The following DNM2 variants were observed in gnomAD, a reference collection of about 807,000 sequenced individuals.
DNM2 encodes the protein dynamin 2.
A neutral mutation model predicts 99.0 loss-of-function variants in DNM2; 15 were observed. The observed-to-expected ratio is 0.15, with a 90% CI of 0.10 to 0.23. The LOEUF is 0.23. Among genes scored for constraint, DNM2 ranks in the 10% least tolerant of loss-of-function variants. The pLI, the probability that DNM2 is intolerant of heterozygous loss-of-function variation, is 1.00. For missense variants in DNM2, 742 were observed against 1,189.4 expected (o/e 0.62, Z 5.53); for synonymous variants, 525 against 481.2 (o/e 1.09, Z -1.19).
intron 1 of DNM2, among the ~76,000 whole-genome samples, chr19:10,737,271 G>T (rs761568365): frequency 1.2e-4 from 18 of 151,998 alleles, no homozygotes; most frequent in Non-Finnish European, 2.1e-4. Context: ...TTTTTCACAT[G>T]CTGCTTCCAC....
intron 17 of DNM2, 149 bp from the exon 18 acceptor site, chr19:10,824,907 AG>A: frequency 7.9e-7 from 1 of 1,266,316 alleles, no homozygotes; most frequent in South Asian, 1.2e-5. Flanking sequence ...GCTCTGGCCC[AG>A]GGCAAGCAGG....
chr19:10,828,922 T>C, intron 18 of DNM2, 114 bp from the exon 19 acceptor site: 6 of 1,125,340 alleles, frequency 5.3e-6, no homozygotes, highest in Non-Finnish European at 1.3e-6. Flanking sequence ...AAGACTCTTT[T>C]TCAAAAAAGT....
chr19:10,774,198 G>A (rs577794323), intron 3 of DNM2, among the ~76,000 whole-genome samples: 1 of 152,294 alleles, frequency 6.6e-6, no homozygotes, highest in South Asian at 2.1e-4. Context: ...CAAGCTGCCT[G>A]AAAGGCTGAG....
At chr19:10,806,749 C>G (rs1007034351) in intron 13 of DNM2, among the ~76,000 whole-genome samples, 2 of 151,996 alleles carry the variant, frequency 1.3e-5, no homozygotes, top group African/African-American at 4.8e-5. Flanking sequence ...GCCAAGATTG[C>G]GCCACCGCAC....
intron 5 of DNM2, among the ~76,000 whole-genome samples, chr19:10,779,069 G>T (rs967993037): frequency 6.6e-6 from 1 of 151,952 alleles, no homozygotes; most frequent in Non-Finnish European, 1.5e-5. Flanking sequence ...CAAAAAATTA[G>T]CCAGGCGTGG....
rs2072536708 is a variant in DNM2, at chr19:10,811,367, A to C, written c.1558-897A>C. ...CCGACTAGGACAGCATCTGGGCCCC[A>C]GAGGGATTCCTGGAGGCCCCATCTC... On this transcript the variant is annotated intron_variant, in intron 14 of 20. Transcript: ENST00000389253. This position sits in a 1 kb window ranked among gnomAD's most constrained non-coding sequence, Gnocchi z 5.4. 1 of 268,774 alleles carries C rather than the reference A, an allele frequency of 3.7e-6. No homozygotes were observed. The highest frequency in any genetic ancestry group is 1.1e-4 in the East Asian group (1 of 9,192). 16.6% of individuals were successfully genotyped at this position (268,774 alleles called of 1,614,324 possible).
At chr19:10,773,621 T>A (rs1041022985) in intron 3 of DNM2, among the ~76,000 whole-genome samples, 2 of 151,576 alleles carry the variant, frequency 1.3e-5, no homozygotes, top group East Asian at 1.9e-4. Context: ...GCTAATTTTT[T>A]TTTTATTTTT....
At chr19:10,743,024 C>T (rs2069816003) in intron 1 of DNM2, among the ~76,000 whole-genome samples, 1 of 151,830 alleles carries the variant, frequency 6.6e-6, no homozygotes, top group Non-Finnish European at 1.5e-5. Context: ...AGTGATCCTC[C>T]CACCTCAGCC....
intron 6 of DNM2, among the ~76,000 whole-genome samples, chr19:10,784,124 C>G (rs534854662): frequency 3.3e-5 from 5 of 152,230 alleles, no homozygotes; most frequent in African/African-American, 1.2e-4. Flanking sequence ...TTTTCTAGCA[C>G]CTTCCAGGGT....
In DNM2 at chr19:10,759,766, G is replaced by A. The variant is rs144250390; in HGVS notation, c.190G>A (p.Val64Ile). 742 of 1,614,102 alleles carry A rather than the reference G, an allele frequency of 4.6e-4. 6 individuals carry two copies. The African/African-American group carries it at 8.2e-3, about 18-fold the overall frequency. ...CTTCCTTCCCCGCGGTTCAGGAATC[G>A]TCACCCGGCGGCCTCTCATTCTGCA... ...RDFLPRGSGI[V>I]TRRPLILQLI... is the part of the protein sequence containing the mutation. The change falls in exon 2 of 21, where the codon GTC becomes ATC. Residue 64 changes from valine to isoleucine, a missense_variant. Transcript: ENST00000389253.
In DNM2 at chr19:10,829,284, T is replaced by G. The variant is rs2146206194; in HGVS notation, c.2291+16T>G. On this transcript the variant is annotated intron_variant, in intron 19 of 20. Coordinates refer to ENST00000389253, the MANE Select transcript of DNM2 (RefSeq NM_001005361.3). ...GCAGCCACAGGTCCGGAAGCCTGGTTCCCCTACCCTCAAGCATTCGGCCTG... is the reference window on the plus strand; with the variant it reads ...GCAGCCACAGGTCCGGAAGCCTGGTGCCCCTACCCTCAAGCATTCGGCCTG... The G allele has an allele frequency of 6.2e-7, 1 of 1,610,692 alleles. No homozygotes were observed. The highest frequency in any genetic ancestry group is 1.7e-5 in the Admixed American group (1 of 59,980).
chr19:10,750,282 C>T (rs572447559), intron 1 of DNM2, among the ~76,000 whole-genome samples: 1 of 152,188 alleles, frequency 6.6e-6, no homozygotes, highest in African/African-American at 2.4e-5. Flanking sequence ...AGTTTGAGAC[C>T]AGCCTGGGCA....
At chr19:10,780,040 C>A (rs752777636) in intron 5 of DNM2, among the ~76,000 whole-genome samples, 4 of 152,162 alleles carry the variant, frequency 2.6e-5, no homozygotes, top group Non-Finnish European at 5.9e-5. Context: ...TCATGCTTAG[C>A]CGCAGTCATT....
At chr19:10,769,799 G>T (rs547760123) in intron 2 of DNM2, among the ~76,000 whole-genome samples, 23 of 152,256 alleles carry the variant, frequency 1.5e-4, no homozygotes, top group African/African-American at 3.9e-4. Flanking sequence ...TGTCCTCATT[G>T]CCCTGATCTG....
rs890015630 is a variant in DNM2 at position 10,795,910 on chromosome 19, G to A, written c.1196+471G>A. 3 of 1,327,680 alleles carry A rather than the reference G, an allele frequency of 2.3e-6. No homozygotes were observed. The highest frequency in any genetic ancestry group is 2.9e-5 in the African/African-American group (2 of 69,440). 82.2% of individuals were successfully genotyped at this position (1,327,680 alleles called of 1,614,324 possible). On this transcript the variant is annotated intron_variant, in intron 9 of 20. Transcript: ENST00000389253. This position sits in a 1 kb window ranked among gnomAD's most constrained non-coding sequence, Gnocchi z 4.2. ...CGTGGGGTCCTCGGGTCACCCTGAG[G>A]GTTTCCGGGCAGTGGACTCAGGCAT...
In DNM2 at chr19:10,765,285, G is replaced by A. The variant is rs981945146; in HGVS notation, c.235+5474G>A. ...TTTTTTCTTAATGGACTCTCTCTGC[G>A]CCAGCACACGAGAACAGGCATGCAG... On this transcript the variant is annotated intron_variant, in intron 2 of 20. Coordinates refer to ENST00000389253, the MANE Select transcript of DNM2 (RefSeq NM_001005361.3). The surrounding 1 kb of genome is among the most constrained non-coding windows in gnomAD (Gnocchi z 4.4). Among the ~76,000 whole-genome samples the A allele has an allele frequency of 2.6e-5, 4 of 152,198 alleles. No individual in the cohort carries two copies. The highest frequency in any genetic ancestry group is 7.2e-5 in the African/African-American group (3 of 41,456).
At chr19:10,762,875 G>A (rs1034456389) in intron 2 of DNM2, among the ~76,000 whole-genome samples, 1 of 152,162 alleles carries the variant, frequency 6.6e-6, no homozygotes, top group Non-Finnish European at 1.5e-5. Context: ...AGGAGTAGGT[G>A]CTGGAAGGGG....
chr19:10,738,021 C>A lies in DNM2; in HGVS notation c.161+19618C>A, dbSNP rs577366126. 8.3e-4 allele frequency among the ~76,000 whole-genome samples: 127 copies of A among 152,244 alleles called. 1 individual carries two copies. In the Middle Eastern group the frequency reaches 0.024, roughly 29 times the overall value. The stretch of plus-strand genomic sequence containing the variant: ...TGCCAGGCTCTGACCTGAACTGCCA[C>A]CCTTCTGGAGTCAAACAGGCCTGGT... On this transcript the variant is annotated intron_variant, in intron 1 of 20. Transcript: ENST00000389253.
At chr19:10,771,610 G>C (rs1419792281) in intron 2 of DNM2, among the ~76,000 whole-genome samples, 1 of 152,130 alleles carries the variant, frequency 6.6e-6, no homozygotes, top group East Asian at 1.9e-4. Flanking sequence ...TGTGGAGCTG[G>C]AATGTGCTGG....
Sources: gnomAD v4.1 joint callset for allele counts (sites outside exome capture counted in the v4.1 genomes callset) on GRCh38, gnomAD v4.1.1 for gene constraint, Gnocchi (gnomAD v3.1) non-coding constraint, MANE v1.5 for transcripts, NCBI Gene and HGNC (gene_info 2026-07-23, HGNC 2026-07-21) for gene names.